EXOC6B: variants seen among roughly 807,000 people sequenced by gnomAD.
EXOC6B encodes the protein exocyst complex component 6B, also known as SEC15 homolog B.
In EXOC6B, 54 loss-of-function variants were observed where a neutral mutation model predicts 113.5. The ratio of observed to expected loss-of-function variants is 0.48; its 90% CI spans 0.38 to 0.60. EXOC6B has a LOEUF of 0.60. Ranked by LOEUF, EXOC6B falls within the 20% of genes least tolerant of loss-of-function variation. The pLI, the probability that EXOC6B is intolerant of heterozygous loss-of-function variation, is 0.00. For synonymous variants in EXOC6B, 357 were observed against 339.0 expected, an observed-to-expected ratio of 1.05 and a Z score of -0.58; for missense variants, 797 against 977.5, an observed-to-expected ratio of 0.82 and a Z score of 2.46.
intron 18 of EXOC6B, among the ~76,000 whole-genome samples, chr2:72,439,978 C>T (rs954136830): frequency 2.6e-5 from 4 of 152,022 alleles, no homozygotes; most frequent in African/African-American, 7.3e-5. Context: ...CTAGGCACCT[C>T]GAATTTTTGG....
At chr2:72,217,908 C>G (rs1294178878) in intron 20 of EXOC6B, among the ~76,000 whole-genome samples, 1 of 152,032 alleles carries the variant, frequency 6.6e-6, no homozygotes, top group Non-Finnish European at 1.5e-5. Flanking sequence ...CATTATGTAC[C>G]AGACACTATG....
At chr2:72,790,472 T>C (rs1211501534) in intron 1 of EXOC6B, among the ~76,000 whole-genome samples, 1 of 152,150 alleles carries the variant, frequency 6.6e-6, no homozygotes, top group Non-Finnish European at 1.5e-5. Flanking sequence ...AAGGTAAAGA[T>C]GGTGACATTT....
chr2:72,540,060 C>T (rs1220763830), intron 8 of EXOC6B, among the ~76,000 whole-genome samples: 2 of 148,910 alleles, frequency 1.3e-5, no homozygotes. Flanking sequence ...GTTTTTTGTT[C>T]TTGCGATAGT....
At chr2:72,565,349 TAAAAAAAA>T (rs10672375) in intron 7 of EXOC6B, among the ~76,000 whole-genome samples, 1 of 45,158 alleles carries the variant, frequency 2.2e-5, no homozygotes, top group Non-Finnish European at 4.0e-5. Context: ...AGACCCTGTC[TAAAAAAAA>T]AAAAAAAAAA....
rs1216070964 is a variant in EXOC6B, at chr2:72,403,703, C to T, written c.1981-23833G>A. On this transcript the variant is annotated intron_variant, in intron 18 of 21. Coordinates refer to ENST00000272427, the MANE Select transcript of EXOC6B (RefSeq NM_015189.3). ...CCTGGGCAAAAGAGCAAGACCCTGT[C>T]CTTAAAAAAGTAAAAAACTTAAAAA... Among the ~76,000 whole-genome samples, 4 of 151,956 alleles carry T rather than the reference C, an allele frequency of 2.6e-5. No homozygotes were observed. In the East Asian group the frequency reaches 7.7e-4, roughly 29 times the overall value.
chr2:72,552,493 G>T (rs1011262467), intron 8 of EXOC6B, among the ~76,000 whole-genome samples: 1 of 152,090 alleles, frequency 6.6e-6, no homozygotes, highest in Non-Finnish European at 1.5e-5. Flanking sequence ...ATAGAAAAAA[G>T]GGGGAGATGT....
intron 5 of EXOC6B, among the ~76,000 whole-genome samples, chr2:72,727,542 T>C (rs1032771003): frequency 6.6e-6 from 1 of 152,172 alleles, no homozygotes; most frequent in Non-Finnish European, 1.5e-5. Flanking sequence ...AAAACTTGAA[T>C]TGGGTATGCC....
At chr2:72,632,193 C>T (rs1296721123) in intron 6 of EXOC6B, among the ~76,000 whole-genome samples, 2 of 151,982 alleles carry the variant, frequency 1.3e-5, no homozygotes, top group Non-Finnish European at 2.9e-5. Flanking sequence ...GAGGAATAGA[C>T]CTAGTGGATA....
chr2:72,471,225 G>C (rs572919839), intron 17 of EXOC6B, among the ~76,000 whole-genome samples: 1 of 152,168 alleles, frequency 6.6e-6, no homozygotes, highest in Non-Finnish European at 1.5e-5. Flanking sequence ...CAGTGATGAT[G>C]AGCATTTTTT....
At chr2:72,365,289 G>A (rs1338838138) in intron 19 of EXOC6B, among the ~76,000 whole-genome samples, 2 of 151,564 alleles carry the variant, frequency 1.3e-5, no homozygotes, top group African/African-American at 4.9e-5. Flanking sequence ...ACTTGATTCT[G>A]CTACTGGTTA....
At chr2:72,235,793 T>A (rs2104485062) in intron 20 of EXOC6B, among the ~76,000 whole-genome samples, 1 of 152,260 alleles carries the variant, frequency 6.6e-6, no homozygotes, top group African/African-American at 2.4e-5. Context: ...CTCGGTAGCC[T>A]TTCCATACCA....
chr2:72,599,578 G>A (rs1298438661), intron 6 of EXOC6B, among the ~76,000 whole-genome samples: 2 of 151,996 alleles, frequency 1.3e-5, no homozygotes, highest in Admixed American at 6.6e-5. Flanking sequence ...GAAACAAAAT[G>A]TACATAAATT....
At chr2:72,324,276 C>T (rs1435928037) in intron 20 of EXOC6B, among the ~76,000 whole-genome samples, 2 of 152,132 alleles carry the variant, frequency 1.3e-5, no homozygotes, top group African/African-American at 2.4e-5. Flanking sequence ...TTTTCAGTTA[C>T]CTCTATGCTC....
At chr2:72,556,105 A>G (rs1703527416) in intron 8 of EXOC6B, among the ~76,000 whole-genome samples, 1 of 152,228 alleles carries the variant, frequency 6.6e-6, no homozygotes, top group Admixed American at 6.5e-5. Flanking sequence ...TCAAAGCAAA[A>G]GCAGACCAGT....
chr2:72,277,408 C>T (rs1684865549), intron 20 of EXOC6B, among the ~76,000 whole-genome samples: 1 of 152,114 alleles, frequency 6.6e-6, no homozygotes, highest in African/African-American at 2.4e-5. Flanking sequence ...CCCAAGGGAG[C>T]TCAATAGAAC....
chr2:72,812,676 G>T (rs1043566377), intron 1 of EXOC6B, among the ~76,000 whole-genome samples: 2 of 143,154 alleles, frequency 1.4e-5, no homozygotes, highest in Admixed American at 7.3e-5. Flanking sequence ...GGTGACTGGG[G>T]GAGACCCCCA....
chr2:72,206,662 A>G (rs557818024), intron 20 of EXOC6B, among the ~76,000 whole-genome samples: 1 of 152,210 alleles, frequency 6.6e-6, no homozygotes, highest in Non-Finnish European at 1.5e-5. Flanking sequence ...GACACACAGT[A>G]GAACCTCAAC....
At chr2:72,413,902 C>G (rs901859735) in intron 18 of EXOC6B, among the ~76,000 whole-genome samples, 1 of 152,114 alleles carries the variant, frequency 6.6e-6, no homozygotes, top group Admixed American at 6.5e-5. Flanking sequence ...AGTCTAAGAT[C>G]AGTTTAGCTT....
At chr2:72,211,245 C>A (rs1329895374) in intron 20 of EXOC6B, among the ~76,000 whole-genome samples, 1 of 152,156 alleles carries the variant, frequency 6.6e-6, no homozygotes, top group Non-Finnish European at 1.5e-5. Flanking sequence ...GACACAATTT[C>A]TCCAAAAAAA....
Sources: allele counts gnomAD v4.1 joint callset (sites outside exome capture counted in the v4.1 genomes callset), GRCh38; gene constraint gnomAD v4.1.1; transcripts MANE v1.5; gene names NCBI Gene and HGNC (gene_info 2026-07-23, HGNC 2026-07-21).